SYNCRIP: variants seen among roughly 807,000 people sequenced by gnomAD.
The protein encoded by SYNCRIP is synaptotagmin binding cytoplasmic RNA interacting protein.
A neutral mutation model predicts 68.9 loss-of-function variants in SYNCRIP; 9 were observed. The observed-to-expected ratio is 0.13, with a 90% CI of 0.08 to 0.23. The LOEUF is 0.23. Ranked by LOEUF, SYNCRIP falls within the 10% of genes least tolerant of loss-of-function variation. SYNCRIP has a pLI of 1.00. For synonymous variants in SYNCRIP, 258 were observed against 254.0 expected (o/e 1.02, Z -0.15); for missense variants, 414 against 770.6 (o/e 0.54, Z 5.48).
intron 6 of SYNCRIP, among the ~76,000 whole-genome samples, chr6:85,634,866 G>T (rs1317983649): frequency 3.9e-5 from 6 of 152,176 alleles, no homozygotes. Context: ...GACTGCTTGA[G>T]ACCATGAGTT....
intron 1 of SYNCRIP, among the ~76,000 whole-genome samples, chr6:85,642,528 G>A (rs946844920): frequency 2.0e-5 from 3 of 152,270 alleles, no homozygotes; most frequent in East Asian, 3.9e-4. Context: ...CAACTCTGAA[G>A]CCGCTCGCGG....
Position 85,640,331 on chromosome 6 carries a change from G to T in SYNCRIP, c.268-3C>A. On this transcript the variant is annotated splice_region_variant and splice_polypyrimidine_tract_variant and intron_variant, in intron 3 of 10. Coordinates refer to ENST00000369622, the MANE Select transcript of SYNCRIP (RefSeq NM_006372.5). ...CCACATAAAAAGGCACTTTTGTTCT[G>T]CAAAAAAATGTTCCATTAATATTTA... 1 of 1,609,384 alleles carries T rather than the reference G, an allele frequency of 6.2e-7. No homozygotes were observed. Among genetic ancestry groups the T allele is most frequent in the South Asian group, 1.1e-5 (1 of 90,196 alleles).
chr6:85,630,189 G>A (rs927054768), intron 6 of SYNCRIP, among the ~76,000 whole-genome samples: 9 of 151,628 alleles, frequency 5.9e-5, no homozygotes, highest in South Asian at 2.1e-4. Flanking sequence ...GTGAAACCCC[G>A]TCTCTACTAA....
At chr6:85,630,378 C>CA (rs1283909219) in intron 6 of SYNCRIP, among the ~76,000 whole-genome samples, 5 of 151,956 alleles carry the variant, frequency 3.3e-5, no homozygotes, top group East Asian at 1.9e-4. Flanking sequence ...AACAAACAAA[C>CA]AAAAAAAATC....
chr6:85,632,990 C>A (rs1455192924), intron 6 of SYNCRIP, among the ~76,000 whole-genome samples: 1 of 151,372 alleles, frequency 6.6e-6, no homozygotes, highest in Admixed American at 6.6e-5. Context: ...CGGTGGCTCA[C>A]ACCTGTAATC....
intron 7 of SYNCRIP, among the ~76,000 whole-genome samples, chr6:85,623,221 A>C (rs1364322970): frequency 7.2e-5 from 11 of 152,164 alleles, no homozygotes; most frequent in Admixed American, 7.2e-4. Flanking sequence ...CTGTCACTTA[A>C]AAGTTGTTAC....
intron 8 of SYNCRIP, among the ~76,000 whole-genome samples, chr6:85,620,901 T>C (rs1361233835): frequency 6.6e-6 from 1 of 152,204 alleles, no homozygotes; most frequent in Non-Finnish European, 1.5e-5. Context: ...ACAAAGTAAA[T>C]ACCATGCCCT....
chr6:85,640,673 C>T, intron 2 of SYNCRIP, 109 bp from the exon 3 acceptor site: 1 of 608,778 alleles, frequency 1.6e-6, no homozygotes, highest in African/African-American at 2.0e-5. Flanking sequence ...CTTCTACTCC[C>T]CTCATCTATA....
At chr6:85,631,338 C>CAA (rs1807753083) in intron 6 of SYNCRIP, among the ~76,000 whole-genome samples, 1 of 58,588 alleles carries the variant, frequency 1.7e-5, no homozygotes, top group Non-Finnish European at 3.7e-5. Flanking sequence ...GACTGTGTCT[C>CAA]CAAAAAAAAA....
chr6:85,636,896 C>A, intron 6 of SYNCRIP, 71 bp downstream of exon 6: 4 of 1,433,128 alleles, frequency 2.8e-6, no homozygotes, highest in South Asian at 2.8e-5. Context: ...AACTCTTAGG[C>A]ACACTAAGAA....
At chr6:85,623,311 C>A (rs12205013) in intron 7 of SYNCRIP, among the ~76,000 whole-genome samples, 3 of 151,646 alleles carry the variant, frequency 2.0e-5, no homozygotes, top group East Asian at 3.9e-4. Context: ...TACCTGTAAT[C>A]GCAACACTCT....
At chr6:85,639,193 G>C (rs1808841689) in intron 4 of SYNCRIP, among the ~76,000 whole-genome samples, 1 of 152,112 alleles carries the variant, frequency 6.6e-6, no homozygotes, top group African/African-American at 2.4e-5. Flanking sequence ...GGGTGACAGA[G>C]TAAGACTCTG....
Position 85,618,950 on chromosome 6 carries a change from T to A in SYNCRIP, c.1159-11A>T. ...CATTTCTTCCATAGCCTTAAAAAAT[T>A]AGATAAGTCAATATAAAAATAGGAC... is the stretch of plus-strand genomic sequence containing the variant. On this transcript the variant is annotated splice_polypyrimidine_tract_variant and intron_variant, in intron 9 of 10. Coordinates refer to ENST00000369622, the MANE Select transcript of SYNCRIP (RefSeq NM_006372.5). The A allele has an allele frequency of 6.3e-7, 1 of 1,598,012 alleles. No individual in the cohort carries two copies. The highest frequency in any genetic ancestry group is 8.5e-7 in the Non-Finnish European group (1 of 1,172,276).
intron 8 of SYNCRIP, among the ~76,000 whole-genome samples, chr6:85,620,736 AG>A (rs1562083235): frequency 1.3e-5 from 2 of 152,216 alleles, no homozygotes; most frequent in African/African-American, 2.4e-5. Context: ...GTGCCTGTGT[AG>A]GGGGCAGAAG....
At chr6:85,619,548 AGTTTTCAACTCCTTGGGT>A in intron 8 of SYNCRIP, 131 bp from the exon 9 acceptor site, 1 of 757,956 alleles carries the variant, frequency 1.3e-6, no homozygotes, top group Non-Finnish European at 2.0e-6. Context: ...AAAAAAAAAA[AGTTTTCAACTCCTTGGGT>A]AAATATCAAG....
intron 1 of SYNCRIP, 65 bp from the exon 2 acceptor site, chr6:85,641,516 G>A: frequency 6.7e-7 from 1 of 1,485,756 alleles, no homozygotes; most frequent in Non-Finnish European, 9.1e-7. Context: ...CAATATGAGA[G>A]CCCCATCTTT....
At chr6:85,643,067 C>G (rs377076328), upstream of SYNCRIP, 1 of 151,090 alleles carries the variant, frequency 6.6e-6, no homozygotes, top group South Asian at 2.1e-4. Flanking sequence ...CAGCCCCTGC[C>G]CTCCTCCAGC....
In SYNCRIP at chr6:85,635,782, A is replaced by AG. The variant is rs1318326632; in HGVS notation, c.666+1184_666+1185insC. Among the ~76,000 whole-genome samples, 6 of 150,592 alleles carry AG rather than the reference A, an allele frequency of 4.0e-5. No homozygotes were observed. In the East Asian group the frequency reaches 9.7e-4, roughly 24 times the overall value. Reference sequence around the variant, plus strand: ...AGTGAGATTCTATCTCCCAAAAAAAAAAAAAAAAAAAAAAAGAAAAGGAAG... The same window carrying AG: ...AGTGAGATTCTATCTCCCAAAAAAAAGAAAAAAAAAAAAAAAGAAAAGGAAG... On this transcript the variant is annotated intron_variant, in intron 6 of 10. Transcript: ENST00000369622.
downstream of SYNCRIP, chr6:85,610,212 A>G (rs1805136066): frequency 6.6e-6 from 1 of 151,966 alleles, no homozygotes; most frequent in African/African-American, 2.4e-5. Context: ...TGTTCACATC[A>G]CTAATCACTA....
Sources: gnomAD v4.1 joint callset for allele counts (sites outside exome capture counted in the v4.1 genomes callset) on GRCh38, gnomAD v4.1.1 for gene constraint, MANE v1.5 for transcripts, NCBI Gene and HGNC (gene_info 2026-07-23, HGNC 2026-07-21) for gene names.